The following PDE2A variants were observed in gnomAD, a reference collection of about 807,000 sequenced individuals.
The protein encoded by PDE2A is phosphodiesterase 2A, also known as cGMP-dependent 3',5'-cyclic phosphodiesterase.
In PDE2A, 53 loss-of-function variants were observed where a neutral mutation model predicts 133.6. The ratio of observed to expected loss-of-function variants is 0.40; its 90% CI spans 0.32 to 0.50. The LOEUF (loss-of-function observed/expected upper bound fraction) is 0.50, where lower values mean the gene tolerates loss of function less well. Ranked by LOEUF, PDE2A falls within the 20% of genes least tolerant of loss-of-function variation. The pLI is 0.73. For missense variants in PDE2A, 796 were observed against 1,232.4 expected, an observed-to-expected ratio of 0.65 and a Z score of 5.30; for synonymous variants, 491 against 490.2, an observed-to-expected ratio of 1.00 and a Z score of -0.02.
chr11:72,591,225 G>A (rs150697453), intron 7 of PDE2A, 72 bp downstream of exon 7: 1,091 of 1,304,688 alleles, frequency 8.4e-4, no homozygotes, highest in Non-Finnish European at 1.1e-3. Context: ...CCAGCTCCCT[G>A]GCCAGGCCAT....
chr11:72,668,324 G>C, intron 1 of PDE2A: 1 of 718,736 alleles, frequency 1.4e-6, no homozygotes, highest in Non-Finnish European at 2.6e-6. Flanking sequence ...TCCCCTCCTG[G>C]ATCCTCTGTT....
rs148408966 is a variant in PDE2A, at chr11:72,622,117, A to G, written c.145-13366T>C. ...AAGATGCTCAACTTCACTAATCATT[A>G]GGGAAATGCAAATCAAAACCACAAT... On this transcript the variant is annotated intron_variant, in intron 2 of 30. Coordinates refer to ENST00000334456, the MANE Select transcript of PDE2A (RefSeq NM_002599.5). Among the ~76,000 whole-genome samples, 451 of 152,302 alleles carry G rather than the reference A, an allele frequency of 3.0e-3. 8 individuals are homozygous for G. Among genetic ancestry groups the G allele is most frequent in the Non-Finnish European group, 3.6e-3 (245 of 68,022 alleles).
At chr11:72,582,078 A>G (rs910478276) in intron 21 of PDE2A, 131 bp from the exon 22 acceptor site, 1 of 732,522 alleles carries the variant, frequency 1.4e-6, no homozygotes, top group Non-Finnish European at 2.4e-6. Context: ...GAGAACCACA[A>G]AATAGTTGAA....
chr11:72,659,204 G>A (rs1158162595), intron 1 of PDE2A, among the ~76,000 whole-genome samples: 1 of 150,652 alleles, frequency 6.6e-6, no homozygotes, highest in Non-Finnish European at 1.5e-5. Flanking sequence ...GTCTCCCGCT[G>A]GGTGAGGAGG....
intron 2 of PDE2A, among the ~76,000 whole-genome samples, chr11:72,611,631 TC>T (rs1272037185): frequency 1.2e-4 from 18 of 152,168 alleles, no homozygotes; most frequent in Non-Finnish European, 5.9e-5. Flanking sequence ...GGGAAGGGCT[TC>T]CCATCTGTGC....
chr11:72,647,927 GTATC>G (rs1859172937), intron 1 of PDE2A, among the ~76,000 whole-genome samples: 1 of 152,194 alleles, frequency 6.6e-6, no homozygotes, highest in South Asian at 2.1e-4. Flanking sequence ...ATATGTCTGT[GTATC>G]TATAGGGGTT....
Position 72,590,390 on chromosome 11 carries a change from G to T in PDE2A, c.703+37C>A. On this transcript the variant is annotated intron_variant, in intron 8 of 30. Transcript: ENST00000334456. The surrounding 1 kb of genome is among the most constrained non-coding windows in gnomAD (Gnocchi z 4.8). ...CCACCTCCCCTCCAAGTTCTGCCCG[G>T]CCCCGCCCTCGTGACCTGTCCAGGC... 1 of 1,579,762 alleles carries T rather than the reference G, an allele frequency of 6.3e-7. No individual in the cohort carries two copies. Among genetic ancestry groups the T allele is most frequent in the East Asian group, 2.3e-5 (1 of 43,542 alleles).
At chr11:72,584,169 A>ACCCCCCACC in intron 19 of PDE2A, 32 bp downstream of exon 19, 1 of 877,940 alleles carries the variant, frequency 1.1e-6, no homozygotes, top group Non-Finnish European at 1.8e-6. Context: ...GCCCCCTATC[A>ACCCCCCACC]CCCCACACCC....
chr11:72,657,512 C>T (rs1473443972), intron 1 of PDE2A, among the ~76,000 whole-genome samples: 1 of 152,168 alleles, frequency 6.6e-6, no homozygotes, highest in Non-Finnish European at 1.5e-5. Context: ...CCCAGCCCCG[C>T]TCACACACGC....
intron 1 of PDE2A, chr11:72,657,833 T>C: frequency 2.2e-6 from 1 of 455,424 alleles, no homozygotes; most frequent in Non-Finnish European, 4.4e-6. Flanking sequence ...CCTGCCCCCA[T>C]CTGTTATGTG....
At chr11:72,638,059 G>A (rs1009477432) in intron 2 of PDE2A, among the ~76,000 whole-genome samples, 1 of 152,074 alleles carries the variant, frequency 6.6e-6, no homozygotes, top group Non-Finnish European at 1.5e-5. Flanking sequence ...TGCCAGGGGG[G>A]TCATTAATAA....
intron 1 of PDE2A, among the ~76,000 whole-genome samples, chr11:72,665,409 G>A (rs1298202799): frequency 7.5e-6 from 1 of 133,296 alleles, no homozygotes; most frequent in Non-Finnish European, 1.6e-5. Context: ...CTCCCATCCA[G>A]CCCCTGCCTC....
chr11:72,586,952 A>T (rs1309341350), intron 13 of PDE2A, among the ~76,000 whole-genome samples: 1 of 152,080 alleles, frequency 6.6e-6, no homozygotes, highest in Non-Finnish European at 1.5e-5. Context: ...GTCTGTCTGC[A>T]CACCTTTCTT....
chr11:72,619,505 G>A (rs537360135), intron 2 of PDE2A, among the ~76,000 whole-genome samples: 13 of 152,310 alleles, frequency 8.5e-5, no homozygotes, highest in African/African-American at 2.2e-4. Context: ...CACATGGGTC[G>A]TGAGAGTGTA....
At chr11:72,619,409 A>G (rs960193861) in intron 2 of PDE2A, among the ~76,000 whole-genome samples, 2 of 152,038 alleles carry the variant, frequency 1.3e-5, no homozygotes, top group Non-Finnish European at 2.9e-5. Flanking sequence ...CCATCACATC[A>G]TCATGGCAGA....
chr11:72,612,594 T>C (rs916176935), intron 2 of PDE2A, among the ~76,000 whole-genome samples: 3 of 152,112 alleles, frequency 2.0e-5, no homozygotes, highest in South Asian at 2.1e-4. Flanking sequence ...AGCATATAGT[T>C]CTATGGTTTA....
chr11:72,606,875 C>T (rs1447621730), intron 3 of PDE2A, among the ~76,000 whole-genome samples: 1 of 152,182 alleles, frequency 6.6e-6, no homozygotes, highest in African/African-American at 2.4e-5. Flanking sequence ...ACTCTCAGCC[C>T]TCTGGGTTAA....
intron 25 of PDE2A, 31 bp downstream of exon 25, chr11:72,580,543 GGAA>G (rs1855677130): frequency 6.6e-7 from 1 of 1,520,226 alleles, no homozygotes; most frequent in African/African-American, 1.4e-5. Context: ...GCCTTAAAGG[GGAA>G]GAAGGACGGG....
chr11:72,642,296 G>C lies in PDE2A; in HGVS notation c.102C>G (p.Asp34Glu), dbSNP rs752034008. ...ATGGCTGCGGCGGCGGCGGCGGCTCGTCCGGCTTGAGGAAGACCTGCTGGC... is the reference window on the plus strand; with the variant it reads ...ATGGCTGCGGCGGCGGCGGCGGCTCCTCCGGCTTGAGGAAGACCTGCTGGC... The part of the protein sequence containing the change: ...PRGQQVFLKP[D>E]EPPPPPQPCA... Residue 34 changes from aspartate to glutamate, a missense_variant, in exon 2 of 31, where the codon GAC (aspartate) becomes GAG (glutamate). Transcript: ENST00000334456. The C allele has an allele frequency of 2.6e-6, 4 of 1,526,218 alleles. No homozygotes were observed. In the East Asian group the frequency reaches 1.1e-4, roughly 41 times the overall value. The allele number at this position is 1,526,218 out of a possible 1,614,324, so 94.5% of individuals were successfully genotyped here.
Sources: gnomAD v4.1 joint callset for allele counts (sites outside exome capture counted in the v4.1 genomes callset) on GRCh38, gnomAD v4.1.1 for gene constraint, Gnocchi (gnomAD v3.1) non-coding constraint, MANE v1.5 for transcripts, NCBI Gene and HGNC (gene_info 2026-07-23, HGNC 2026-07-21) for gene names.